The following ASIC2 variants were observed in gnomAD, a reference collection of about 807,000 sequenced individuals.
ASIC2 encodes acid-sensing ion channel 2.
Under a neutral mutation model 57.3 loss-of-function variants are expected in ASIC2, and 25 were observed. The observed-to-expected ratio is 0.44, with a 90% CI of 0.32 to 0.61. ASIC2 has a LOEUF of 0.61. Ranked by LOEUF, ASIC2 falls within the 20% of genes least tolerant of loss-of-function variation. ASIC2 has a pLI of 0.06. For synonymous variants in ASIC2, 319 were observed against 307.5 expected, an observed-to-expected ratio of 1.04 and a Z score of -0.39; for missense variants, 641 against 738.1, an observed-to-expected ratio of 0.87 and a Z score of 1.52.
At chr17:33,559,625 C>A (rs781051728) in intron 1 of ASIC2, among the ~76,000 whole-genome samples, 1 of 152,180 alleles carries the variant, frequency 6.6e-6, no homozygotes, top group Non-Finnish European at 1.5e-5. Flanking sequence ...AAGCAGAGAT[C>A]CCCACATTCA....
chr17:33,047,151 A>G (rs2091958749), intron 3 of ASIC2, among the ~76,000 whole-genome samples: 1 of 152,224 alleles, frequency 6.6e-6, no homozygotes, highest in African/African-American at 2.4e-5. Flanking sequence ...TTACAGGCAT[A>G]AAACATGTGT....
At chr17:33,129,163 T>G (rs569296952) in intron 1 of ASIC2, among the ~76,000 whole-genome samples, 1 of 152,330 alleles carries the variant, frequency 6.6e-6, no homozygotes, top group East Asian at 1.9e-4. Flanking sequence ...CCCTGCCCTA[T>G]AGAGCCAGCA....
chr17:34,069,462 T>G (rs967449976), intron 1 of ASIC2: 1 of 151,894 alleles, frequency 6.6e-6, no homozygotes, highest in African/African-American at 2.4e-5. Flanking sequence ...GAGAGAGAAA[T>G]TACCAGGGCC....
At chr17:33,549,925 A>G (rs532815202) in intron 1 of ASIC2, among the ~76,000 whole-genome samples, 1 of 152,272 alleles carries the variant, frequency 6.6e-6, no homozygotes, top group South Asian at 2.1e-4. Flanking sequence ...TGGGGCGGCT[A>G]AACCTAGGGA....
chr17:34,021,402 C>T (rs1297432711), intron 1 of ASIC2, among the ~76,000 whole-genome samples: 1 of 152,204 alleles, frequency 6.6e-6, no homozygotes, highest in Admixed American at 6.5e-5. Flanking sequence ...TGGCCGATAC[C>T]TGCCTTGGAC....
At chr17:33,722,137 G>T (rs1909407069) in intron 1 of ASIC2, among the ~76,000 whole-genome samples, 1 of 152,174 alleles carries the variant, frequency 6.6e-6, no homozygotes, top group African/African-American at 2.4e-5. Context: ...GGAGGTAATT[G>T]AATCATGGGG....
At chr17:34,136,512 A>T (rs969600109) in intron 1 of ASIC2, among the ~76,000 whole-genome samples, 1 of 152,162 alleles carries the variant, frequency 6.6e-6, no homozygotes, top group Non-Finnish European at 1.5e-5. Context: ...GCTGACTTCA[A>T]CTCTTGAGGC....
In ASIC2 at chr17:34,028,498, G is replaced by T. The variant is rs371622241; in HGVS notation, c.555+127480C>A. Among the ~76,000 whole-genome samples the T allele has an allele frequency of 2.9e-4, 44 of 152,042 alleles. No homozygotes were observed. The East Asian group carries it at 4.6e-3, about 16-fold the overall frequency. ...TCTGGTTGGTGTAGGAAGGCATTAT[G>T]CTCGAGTCAACCTTGCTTCATACAC... On this transcript the variant is annotated intron_variant, in intron 1 of 9. Coordinates refer to the ASIC2 transcript ENST00000359872.
chr17:33,281,692 A>AT (rs1289921693), intron 1 of ASIC2, among the ~76,000 whole-genome samples: 2 of 152,204 alleles, frequency 1.3e-5, no homozygotes, highest in East Asian at 3.8e-4. Flanking sequence ...TGAGGAAGGA[A>AT]TGCATTGGTG....
At chr17:34,152,430 A>G (rs935694834) in intron 1 of ASIC2, among the ~76,000 whole-genome samples, 1 of 152,168 alleles carries the variant, frequency 6.6e-6, no homozygotes, top group African/African-American at 2.4e-5. Context: ...TATCGAATCC[A>G]ACTGTGACCT....
chr17:33,564,795 G>A (rs989417370), intron 1 of ASIC2, among the ~76,000 whole-genome samples: 1 of 150,840 alleles, frequency 6.6e-6, no homozygotes, highest in Non-Finnish European at 1.5e-5. Flanking sequence ...TGGGGGCAAG[G>A]AACACCTGGC....
At chr17:33,289,222 C>T (rs1349042653) in intron 1 of ASIC2, among the ~76,000 whole-genome samples, 1 of 152,112 alleles carries the variant, frequency 6.6e-6, no homozygotes, top group Non-Finnish European at 1.5e-5. Context: ...TGTGTGTGTG[C>T]CTGCAAACTC....
At chr17:33,177,088 C>T (rs867622870) in intron 1 of ASIC2, among the ~76,000 whole-genome samples, 7 of 152,292 alleles carry the variant, frequency 4.6e-5, no homozygotes, top group South Asian at 2.1e-4. Context: ...TTTTTCCCTG[C>T]AATTCCTCTA....
intron 1 of ASIC2, among the ~76,000 whole-genome samples, chr17:33,522,868 C>A (rs567215017): frequency 6.6e-6 from 1 of 152,202 alleles, no homozygotes; most frequent in Non-Finnish European, 1.5e-5. Flanking sequence ...AACTGCCTCC[C>A]GCTCTGCACC....
chr17:33,307,819 T>C (rs200227916), intron 1 of ASIC2, among the ~76,000 whole-genome samples: 1 of 151,916 alleles, frequency 6.6e-6, no homozygotes, highest in South Asian at 2.1e-4. Flanking sequence ...GCATAAAGAT[T>C]AAATAACACA....
At chr17:33,107,761 A>G (rs2092241018) in intron 2 of ASIC2, among the ~76,000 whole-genome samples, 1 of 152,222 alleles carries the variant, frequency 6.6e-6, no homozygotes, top group African/African-American at 2.4e-5. Context: ...ATGGTGGTCA[A>G]CACCATCACC....
At chr17:33,724,195 T>C (rs1909474475) in intron 1 of ASIC2, among the ~76,000 whole-genome samples, 1 of 152,182 alleles carries the variant, frequency 6.6e-6, no homozygotes, top group South Asian at 2.1e-4. Flanking sequence ...ATGACTTTCA[T>C]TTTCCACCAT....
intron 1 of ASIC2, among the ~76,000 whole-genome samples, chr17:33,922,280 C>A (rs1433685388): frequency 6.6e-6 from 1 of 151,924 alleles, no homozygotes; most frequent in Non-Finnish European, 1.5e-5. Context: ...GTGAGGACTC[C>A]CTCCCTCCTT....
At chr17:33,208,389 A>T (rs947411978) in intron 1 of ASIC2, among the ~76,000 whole-genome samples, 1 of 152,080 alleles carries the variant, frequency 6.6e-6, no homozygotes, top group Non-Finnish European at 1.5e-5. Context: ...CACCCTCCCC[A>T]ACCCATCCCA....
Sources: gnomAD v4.1 joint callset for allele counts (sites outside exome capture counted in the v4.1 genomes callset) on GRCh38, gnomAD v4.1.1 for gene constraint, MANE v1.5 for transcripts, NCBI Gene and HGNC (gene_info 2026-07-23, HGNC 2026-07-21) for gene names.